Variants in BRI3BP observed in about 807,000 individuals in gnomAD.
BRI3BP encodes the protein BRI3 binding protein.
A neutral mutation model predicts 15.8 loss-of-function variants in BRI3BP; 7 were observed. The ratio of observed to expected loss-of-function variants is 0.44; its 90% CI spans 0.25 to 0.83. BRI3BP has a LOEUF of 0.83. BRI3BP is among the 40% of genes least tolerant of loss of function. BRI3BP has a pLI of 0.20. For missense variants in BRI3BP, 320 were observed against 339.3 expected (o/e 0.94, Z 0.45); for synonymous variants, 192 against 163.5 (o/e 1.17, Z -1.33).
chr12:125,031,613 C>G (rs1955406873), downstream of BRI3BP, among the ~76,000 whole-genome samples: 1 of 114,158 alleles, frequency 8.8e-6, no homozygotes, highest in East Asian at 2.8e-4. Context: ...GAGATGGACT[C>G]TCACCCAGGC....
intron 1 of BRI3BP, among the ~76,000 whole-genome samples, chr12:125,011,000 GGGAGGATTGCTTGAACTTGGGAGGT>G (rs1273329259): frequency 6.7e-6 from 1 of 149,904 alleles, no homozygotes; most frequent in Non-Finnish European, 1.5e-5. Context: ...AGGCTGAGGT[GGGAGGATTGCTTGAACTTGGGAGGT>G]GGAGGCTGCA....
chr12:125,022,499 T>C (rs915140787), intron 2 of BRI3BP, among the ~76,000 whole-genome samples: 2 of 111,990 alleles, frequency 1.8e-5, no homozygotes, highest in African/African-American at 9.7e-5. Flanking sequence ...CAAGTGATGT[T>C]ATATGGAATT....
chr12:125,009,024 G>A (rs1403905037), intron 1 of BRI3BP, among the ~76,000 whole-genome samples: 1 of 151,104 alleles, frequency 6.6e-6, no homozygotes, highest in Non-Finnish European at 1.5e-5. Flanking sequence ...TGCCCAGGTT[G>A]GAGTGCAATG....
chr12:125,024,655 C>G (rs569159855), intron 2 of BRI3BP, among the ~76,000 whole-genome samples: 1 of 151,884 alleles, frequency 6.6e-6, no homozygotes, highest in Non-Finnish European at 1.5e-5. Context: ...CAAAATTAGC[C>G]GGGTGTGGTG....
rs972884388 is a variant in BRI3BP at position 125,026,705 on chromosome 12, G to C, written c.*1275G>C. On this transcript the variant is annotated 3_prime_UTR_variant, in exon 3 of 3. Coordinates refer to ENST00000341446, the MANE Select transcript of BRI3BP (RefSeq NM_080626.6). ...AGTGGCTGATGCCTGTAATCCCAGC[G>C]CTTTGGGAGGCCGAGGAGTATGGAT... The C allele has an allele frequency of 6.6e-6, 1 of 152,106 alleles. No homozygotes were observed. Among genetic ancestry groups the C allele is most frequent in the Non-Finnish European group, 1.5e-5 (1 of 68,082 alleles). 9.4% of individuals were successfully genotyped at this position (152,106 alleles called of 1,614,324 possible). A position where few individuals can be genotyped will look rare whatever the true frequency, so the allele number is the denominator to read the frequency against.
chr12:125,047,576 A>G, the BRI3BP span, among the ~76,000 whole-genome samples: 6 of 150,902 alleles, frequency 4.0e-5, no homozygotes, highest in East Asian at 1.2e-3. Flanking sequence ...GGGTTTTGCC[A>G]TGTTGGCCAG....
At chr12:125,038,761 A>G in the BRI3BP span, among the ~76,000 whole-genome samples, 2 of 148,084 alleles carry the variant, frequency 1.4e-5, no homozygotes, top group East Asian at 2.0e-4. Context: ...GCGAAACTTC[A>G]TCTCAAAAAA....
chr12:125,019,634 C>CTTTTTTTTTTTTTGTTTTTTTTTTTT (rs1565906073), intron 2 of BRI3BP, among the ~76,000 whole-genome samples: 1 of 45,540 alleles, frequency 2.2e-5, no homozygotes, highest in Non-Finnish European at 5.0e-5. Flanking sequence ...TTAATTCCAC[C>CTTTTTTTTTTTTTGTTTTTTTTTTTT]CTTTTTTTTT....
At chr12:125,047,628 G>T in the BRI3BP span, among the ~76,000 whole-genome samples, 1 of 151,634 alleles carries the variant, frequency 6.6e-6, no homozygotes, top group Admixed American at 6.6e-5. Flanking sequence ...CGCCTGCCTC[G>T]GCCTCTTTAA....
At chr12:125,036,355 A>T in the BRI3BP span, among the ~76,000 whole-genome samples, 1 of 150,862 alleles carries the variant, frequency 6.6e-6, no homozygotes, top group Non-Finnish European at 1.5e-5. Context: ...GAGCCACCGC[A>T]CCCGGCCTAA....
At chr12:125,005,679 G>A (rs1214531947) in intron 1 of BRI3BP, among the ~76,000 whole-genome samples, 1 of 152,026 alleles carries the variant, frequency 6.6e-6, no homozygotes, top group Non-Finnish European at 1.5e-5. Context: ...GCTGAGGCAT[G>A]AGAATTGCTT....
At chr12:125,034,628 C>T (rs941918861), downstream of BRI3BP, among the ~76,000 whole-genome samples, 8 of 151,122 alleles carry the variant, frequency 5.3e-5, no homozygotes, top group Non-Finnish European at 7.4e-5. Flanking sequence ...CTCACTCTGT[C>T]GCCCAGGCTG....
intron 1 of BRI3BP, among the ~76,000 whole-genome samples, chr12:125,006,862 C>T (rs943978563): frequency 5.3e-5 from 8 of 152,154 alleles, no homozygotes; most frequent in African/African-American, 1.9e-4. Context: ...TCTTTTCTCA[C>T]AAAAACCTTT....
At chr12:125,046,235 C>T in the BRI3BP span, among the ~76,000 whole-genome samples, 1 of 151,824 alleles carries the variant, frequency 6.6e-6, no homozygotes, top group South Asian at 2.1e-4. Flanking sequence ...CATAAGTATG[C>T]TATACATATC....
chr12:125,016,738 G>T (rs190040824), intron 2 of BRI3BP, among the ~76,000 whole-genome samples: 1,662 of 151,410 alleles, frequency 0.011, 20 homozygotes, highest in Non-Finnish European at 0.014. Flanking sequence ...ATGTTGGCCA[G>T]GCTGGTCTTG....
At chr12:125,036,258 G>A in the BRI3BP span, among the ~76,000 whole-genome samples, 62 of 151,638 alleles carry the variant, frequency 4.1e-4, no homozygotes, top group East Asian at 7.7e-3. Context: ...AGAGACGGGG[G>A]TTTCACCATG....
intron 2 of BRI3BP, 84 bp from the exon 3 acceptor site, chr12:125,024,907 G>A: frequency 7.8e-7 from 1 of 1,283,534 alleles, no homozygotes; most frequent in South Asian, 1.4e-5. Context: ...AGCCCCACAG[G>A]CCAGCTCAAC....
intron 1 of BRI3BP, among the ~76,000 whole-genome samples, chr12:125,003,541 C>A (rs181799700): frequency 1.3e-5 from 2 of 152,302 alleles, no homozygotes; most frequent in East Asian, 3.9e-4. Context: ...TTACTTCTTT[C>A]CTTCCTAAAT....
the BRI3BP span, among the ~76,000 whole-genome samples, chr12:125,041,337 T>G: frequency 6.6e-6 from 1 of 152,016 alleles, no homozygotes; most frequent in Non-Finnish European, 1.5e-5. Flanking sequence ...ATTACAGGTG[T>G]GAGCCACCAC....
Sources: allele counts gnomAD v4.1 joint callset (sites outside exome capture counted in the v4.1 genomes callset), GRCh38; gene constraint gnomAD v4.1.1; transcripts MANE v1.5; gene names NCBI Gene and HGNC (gene_info 2026-07-23, HGNC 2026-07-21).